Variants in UTY observed in about 807,000 individuals in gnomAD.
UTY encodes histone demethylase UTY.
Under a neutral mutation model 32.5 loss-of-function variants are expected in UTY, and 12 were observed. The observed-to-expected ratio is 0.37, with a 90% CI of 0.24 to 0.60. UTY has a LOEUF of 0.60. Among genes scored for constraint, UTY ranks in the 20% least tolerant of loss-of-function variants. The pLI is 0.69. For synonymous variants in UTY, 131 were observed against 103.4 expected, an observed-to-expected ratio of 1.27 and a Z score of -1.62; for missense variants, 303 against 299.2, an observed-to-expected ratio of 1.01 and a Z score of -0.09.
intron 3 of UTY, among the ~76,000 whole-genome samples, chrY:13,461,074 A>G: frequency 3.1e-5 from 1 of 32,496 alleles, no homozygotes; most frequent in African/African-American, 1.2e-4. Context: ...AACTTCTCCC[A>G]TTTTTATGAG....
chrY:13,445,841 T>C, intron 4 of UTY, among the ~76,000 whole-genome samples: 1 of 33,154 alleles, frequency 3.0e-5, no homozygotes, highest in Non-Finnish European at 7.4e-5. Flanking sequence ...TTTATCACAA[T>C]GGCTGTTACT....
chrY:13,405,213 C>A, intron 6 of UTY, among the ~76,000 whole-genome samples: 1 of 32,818 alleles, frequency 3.0e-5, no homozygotes, highest in Non-Finnish European at 7.6e-5. Flanking sequence ...TATATCATTT[C>A]GCTTAAAGCT....
intron 18 of UTY, among the ~76,000 whole-genome samples, chrY:13,332,463 A>C: frequency 5.9e-5 from 2 of 33,866 alleles, no homozygotes; most frequent in African/African-American, 2.3e-4. Flanking sequence ...CAATAAACGT[A>C]ATCCATCACA....
intron 28 of UTY, among the ~76,000 whole-genome samples, chrY:13,239,366 G>A: frequency 3.0e-5 from 1 of 33,449 alleles, no homozygotes; most frequent in South Asian, 6.5e-4. Flanking sequence ...ATAAATTACT[G>A]GTATCTCGGC....
intron 28 of UTY, among the ~76,000 whole-genome samples, chrY:13,254,118 G>A (rs946214233): frequency 3.0e-5 from 1 of 33,243 alleles, no homozygotes; most frequent in African/African-American, 1.2e-4. Flanking sequence ...ATCAGCTTTC[G>A]ACAATGCTAA....
intron 27 of UTY, among the ~76,000 whole-genome samples, chrY:13,282,179 T>G: frequency 6.0e-5 from 2 of 33,524 alleles, no homozygotes; most frequent in African/African-American, 2.3e-4. Context: ...GAAAAACAAT[T>G]ATAATTTTCC....
At chrY:13,308,216 A>G in intron 21 of UTY, among the ~76,000 whole-genome samples, 2 of 27,240 alleles carry the variant, frequency 7.3e-5, no homozygotes, top group Admixed American at 7.0e-4. Flanking sequence ...AGTTATCACC[A>G]TTGCACTCCA....
chrY:13,356,505 G>C, intron 15 of UTY, among the ~76,000 whole-genome samples: 1 of 29,651 alleles, frequency 3.4e-5, no homozygotes, highest in East Asian at 9.4e-4. Flanking sequence ...CCTTTAAGAA[G>C]TCTGAAAAAG....
At chrY:13,367,622 C>A (rs2064330372) in intron 9 of UTY, among the ~76,000 whole-genome samples, 1 of 33,158 alleles carries the variant, frequency 3.0e-5, no homozygotes. Context: ...ATTTATATTA[C>A]CACCAACTTG....
chrY:13,470,944 G>C (rs2078431848), intron 2 of UTY, among the ~76,000 whole-genome samples: 2 of 33,331 alleles, frequency 6.0e-5, no homozygotes, highest in East Asian at 1.5e-3. Flanking sequence ...GATGTGCTGT[G>C]TTTCAAAGAT....
At chrY:13,239,991 G>A (rs2053883390) in intron 28 of UTY, among the ~76,000 whole-genome samples, 1 of 32,511 alleles carries the variant, frequency 3.1e-5, no homozygotes, top group Admixed American at 2.8e-4. Context: ...GAAAGAAATA[G>A]GAATACACAA....
chrY:13,244,945 T>C (rs961810694), downstream of UTY, among the ~76,000 whole-genome samples: 9 of 33,606 alleles, frequency 2.7e-4, no homozygotes, highest in South Asian at 2.0e-3. Context: ...GTAATGAAGA[T>C]AGTGAAGCAC....
intron 3 of UTY, among the ~76,000 whole-genome samples, chrY:13,458,819 T>C: frequency 3.0e-5 from 1 of 32,901 alleles, no homozygotes. Context: ...ATACGCACCA[T>C]GGAATACTAT....
chrY:13,461,263 G>T (rs551968207), intron 3 of UTY, among the ~76,000 whole-genome samples: 11 of 24,762 alleles, frequency 4.4e-4, no homozygotes, highest in African/African-American at 1.7e-3. Context: ...GAGGGGAAAG[G>T]ACAGGGTGGG....
intron 4 of UTY, among the ~76,000 whole-genome samples, chrY:13,438,923 T>C (rs927060176): frequency 6.1e-5 from 2 of 32,873 alleles, no homozygotes; most frequent in Admixed American, 2.8e-4. Context: ...AAAGGGAGGA[T>C]AGTTAATATC....
intron 8 of UTY, among the ~76,000 whole-genome samples, chrY:13,377,417 C>T: frequency 3.0e-5 from 1 of 33,654 alleles, no homozygotes; most frequent in Non-Finnish European, 7.4e-5. Flanking sequence ...TAAACCTATT[C>T]AAAAGGCTGA....
chrY:13,468,594 G>A, intron 3 of UTY, among the ~76,000 whole-genome samples: 1 of 32,119 alleles, frequency 3.1e-5, no homozygotes, highest in Admixed American at 2.8e-4. Context: ...GCAGGAGAAT[G>A]GCATGAACCT....
chrY:13,441,893 G>A, intron 4 of UTY, among the ~76,000 whole-genome samples: 1 of 33,385 alleles, frequency 3.0e-5, no homozygotes. Flanking sequence ...TATTTATGAT[G>A]AGCCTAGAAG....
At chrY:13,269,607 C>A (rs1603279328) in intron 27 of UTY, among the ~76,000 whole-genome samples, 1 of 30,457 alleles carries the variant, frequency 3.3e-5, no homozygotes, top group Non-Finnish European at 8.0e-5. Context: ...CAAAACAAAA[C>A]AAAAAAAAAC....
Sources: allele counts gnomAD v4.1 joint callset (sites outside exome capture counted in the v4.1 genomes callset), GRCh38; gene constraint gnomAD v4.1.1; transcripts MANE v1.5; gene names NCBI Gene and HGNC (gene_info 2026-07-23, HGNC 2026-07-21).